POLR1D: variants seen among roughly 807,000 people sequenced by gnomAD.
The protein encoded by POLR1D is DNA-directed RNA polymerases I and III subunit RPAC2.
In POLR1D, 8 loss-of-function variants were observed where a neutral mutation model predicts 10.8. The ratio of observed to expected loss-of-function variants is 0.74; its 90% CI spans 0.43 to 1.33. The LOEUF (loss-of-function observed/expected upper bound fraction) is 1.33, where lower values mean the gene tolerates loss of function less well. POLR1D is among the 40% of genes most tolerant of loss of function. POLR1D has a pLI of 0.01. For synonymous variants in POLR1D, 54 were observed against 57.2 expected (o/e 0.94, Z 0.25); for missense variants, 152 against 161.7 (o/e 0.94, Z 0.32).
intron 2 of POLR1D, among the ~76,000 whole-genome samples, chr13:27,656,408 A>G (rs889795941): frequency 1.3e-5 from 2 of 152,224 alleles, no homozygotes; most frequent in Admixed American, 6.5e-5. Context: ...AAGTAAACAT[A>G]CTAACACATT....
chr13:27,663,898 C>T lies in POLR1D; in HGVS notation c.102-1788C>T, dbSNP rs984318700. ...ATTTGTCTATAAAAAAGATTTTGCTCTTGTAGTAAGCACCAGGCCACCATT... is the reference window on the plus strand; with the variant it reads ...ATTTGTCTATAAAAAAGATTTTGCTTTTGTAGTAAGCACCAGGCCACCATT... On this transcript the variant is annotated intron_variant, in intron 2 of 2. Transcript: ENST00000399697. This position sits in a 1 kb window ranked among gnomAD's most constrained non-coding sequence, Gnocchi z 4.1. Among the ~76,000 whole-genome samples the T allele has an allele frequency of 2.0e-5, 3 of 152,190 alleles. No individual in the cohort carries two copies. The highest frequency in any genetic ancestry group is 4.4e-5 in the Non-Finnish European group (3 of 68,036).
chr13:27,644,565 C>G (rs1274250115), intron 1 of POLR1D, among the ~76,000 whole-genome samples: 3 of 152,122 alleles, frequency 2.0e-5, no homozygotes, highest in African/African-American at 7.2e-5. Context: ...TGTTCCTGTG[C>G]CCAGAAAACC....
intron 1 of POLR1D, among the ~76,000 whole-genome samples, chr13:27,633,484 A>G (rs1283904751): frequency 6.6e-6 from 1 of 152,246 alleles, no homozygotes; most frequent in African/African-American, 2.4e-5. Context: ...TTACTTTGTG[A>G]AATGGACTTT....
At chr13:27,642,782 A>G (rs184430612) in intron 1 of POLR1D, among the ~76,000 whole-genome samples, 297 of 152,302 alleles carry the variant, frequency 2.0e-3, no homozygotes, top group Admixed American at 5.7e-3. Context: ...CAAATATTTT[A>G]TTTTATCCTC....
At position 27,621,950 on chromosome 13, in the gene POLR1D, A is replaced by C. The variant is rs545965891; in HGVS notation, c.-34A>C. On this transcript the variant is annotated 5_prime_UTR_variant, in exon 1 of 2. Coordinates refer to ENST00000302979, the MANE Select transcript of POLR1D (RefSeq NM_015972.4). ...TATGGGACAGAGCCCCCGATCCGCC[A>C]GCACCACCTGAGGATCCAGAAACCG... 6.3e-7 allele frequency: 1 copy of C among 1,583,062 alleles called. No homozygotes were observed. Among genetic ancestry groups the C allele is most frequent in the South Asian group, 1.2e-5 (1 of 86,818 alleles).
chr13:27,640,525 CT>C (rs35601501), intron 1 of POLR1D, among the ~76,000 whole-genome samples: 7,407 of 152,220 alleles, frequency 0.049, 273 homozygotes, highest in South Asian at 0.12. Flanking sequence ...TAGTGCTAAG[CT>C]TCCATTTTCT....
chr13:27,627,747 T>TTTTC (rs1566142755), downstream of POLR1D, among the ~76,000 whole-genome samples: 5 of 135,100 alleles, frequency 3.7e-5, 1 homozygote, highest in Non-Finnish European at 6.4e-5. Flanking sequence ...TTTTTTTTTT[T>TTTTC]TTTGTCCCAT....
intron 1 of POLR1D, 42 bp downstream of exon 1, chr13:27,622,051 A>G (rs988352057): frequency 7.1e-6 from 11 of 1,552,700 alleles, no homozygotes; most frequent in Non-Finnish European, 9.6e-6. Context: ...GCCGCGCCCA[A>G]GGGGAGCGGG....
exon 3 of POLR1D, chr13:27,666,198 T>C (rs951355833): frequency 2.2e-6 from 1 of 457,032 alleles, no homozygotes; most frequent in African/African-American, 1.9e-5. Context: ...GACTTACATA[T>C]TGTTGTTTAT....
chr13:27,626,355 C>T (rs141378671), downstream of POLR1D, among the ~76,000 whole-genome samples: 5 of 152,262 alleles, frequency 3.3e-5, no homozygotes, highest in African/African-American at 1.2e-4. Context: ...TTCATTGCAC[C>T]TAAAAGAATT....
intron 2 of POLR1D, among the ~76,000 whole-genome samples, chr13:27,659,202 AC>A (rs1956334901): frequency 6.6e-6 from 1 of 152,216 alleles, no homozygotes; most frequent in Non-Finnish European, 1.5e-5. Flanking sequence ...TTCACAGGGC[AC>A]CAGCAGGTAT....
chr13:27,645,452 C>T (rs1159540586), intron 1 of POLR1D, among the ~76,000 whole-genome samples: 5 of 152,146 alleles, frequency 3.3e-5, no homozygotes, highest in Non-Finnish European at 1.5e-5. Context: ...AGCAGTGTTA[C>T]TTTGGGCAAG....
At chr13:27,630,154 G>T (rs375477569) in intron 1 of POLR1D, among the ~76,000 whole-genome samples, 1 of 151,910 alleles carries the variant, frequency 6.6e-6, no homozygotes, top group Non-Finnish European at 1.5e-5. Flanking sequence ...CTCGTGATCC[G>T]CCCGCCTCCG....
chr13:27,666,981 T>C (rs1644173786), exon 3 of POLR1D: 1 of 151,596 alleles, frequency 6.6e-6, no homozygotes, highest in Admixed American at 6.6e-5. Flanking sequence ...CCTCAGATCA[T>C]CACCATGCCA....
upstream of POLR1D, chr13:27,621,512 A>C (rs1238409052): frequency 6.6e-6 from 1 of 152,640 alleles, no homozygotes; most frequent in Non-Finnish European, 1.5e-5. Context: ...AGGAAGGGCC[A>C]TCCTGGGTCA....
chr13:27,621,801 G>C, upstream of POLR1D: 7 of 542,072 alleles, frequency 1.3e-5, no homozygotes, highest in Non-Finnish European at 2.3e-5. Flanking sequence ...GCTGGGGGTG[G>C]AGCCTCATGC....
rs73432872 is a variant in POLR1D at position 27,622,423 on chromosome 13, T to C, written c.26+414T>C. The C allele has an allele frequency of 5.0e-3, 1,469 of 293,978 alleles. 19 individuals carry two copies. Among genetic ancestry groups the C allele is most frequent in the African/African-American group, 0.03 (1,387 of 45,620 alleles). 18.2% of individuals were successfully genotyped at this position (293,978 alleles called of 1,614,324 possible). ...GCTGCTTGACTCCTGAACCTTCCAT[T>C]CTCCTAGTTTCCTTCTCTTGCAAAA... On this transcript the variant is annotated intron_variant, in intron 1 of 1. Transcript: ENST00000302979.
downstream of POLR1D, among the ~76,000 whole-genome samples, chr13:27,625,837 G>A (rs985718090): frequency 2.6e-5 from 4 of 152,134 alleles, no homozygotes; most frequent in African/African-American, 9.7e-5. Flanking sequence ...TTCAAATAGG[G>A]AATAGAAAAA....
intron 1 of POLR1D, among the ~76,000 whole-genome samples, chr13:27,634,567 C>A (rs1425935896): frequency 6.6e-6 from 1 of 151,962 alleles, no homozygotes; most frequent in Non-Finnish European, 1.5e-5. Flanking sequence ...GTCTTTTCCC[C>A]TTTATAGAAA....
Sources: allele counts gnomAD v4.1 joint callset (sites outside exome capture counted in the v4.1 genomes callset), GRCh38; gene constraint gnomAD v4.1.1; non-coding constraint Gnocchi (gnomAD v3.1); transcripts MANE v1.5; gene names NCBI Gene and HGNC (gene_info 2026-07-23, HGNC 2026-07-21).